The following CPLX2 variants were observed in gnomAD, a reference collection of about 807,000 sequenced individuals.
The protein encoded by CPLX2 is complexin-2.
A neutral mutation model predicts 16.3 loss-of-function variants in CPLX2; 5 were observed. That is an observed-to-expected ratio of 0.31 (90% CI 0.16 to 0.64). The LOEUF (loss-of-function observed/expected upper bound fraction) is 0.64. Ranked by LOEUF, CPLX2 falls within the 30% of genes least tolerant of loss-of-function variation. CPLX2 has a pLI of 0.79. For missense variants in CPLX2, 144 were observed against 181.4 expected, an observed-to-expected ratio of 0.79 and a Z score of 1.18; for synonymous variants, 89 against 73.2, an observed-to-expected ratio of 1.22 and a Z score of -1.10.
Position 175,883,936 on chromosome 5 carries a change from TG to T in CPLX2, c.*3893del, listed in dbSNP as rs1018050591. 6.6e-6 allele frequency: 1 copy of T among 152,366 alleles called. No individual in the cohort carries two copies. The highest frequency in any genetic ancestry group is 6.6e-5 in the Admixed American group (1 of 15,252). The allele number at this position is 152,366 out of a possible 1,614,324, so 9.4% of individuals were successfully genotyped here. A position where few individuals can be genotyped will look rare whatever the true frequency, so the allele number is the denominator to read the frequency against. ...CCCCCCTGAACCTGACCAAAAGCCA[TG>T]GCTGTTGCTCCCCCCTTTGTATGAT... On this transcript the variant is annotated 3_prime_UTR_variant, in exon 4 of 4. Coordinates refer to ENST00000393745, the MANE Select transcript of CPLX2 (RefSeq NM_001008220.2).
At chr5:175,827,570 T>G (rs913909826) in intron 2 of CPLX2, among the ~76,000 whole-genome samples, 2 of 152,042 alleles carry the variant, frequency 1.3e-5, no homozygotes, top group Non-Finnish European at 2.9e-5. Context: ...GCCTAGCCAA[T>G]ATGGCAAAAC....
At chr5:175,812,843 T>G (rs945099109) in intron 2 of CPLX2, among the ~76,000 whole-genome samples, 19 of 152,244 alleles carry the variant, frequency 1.2e-4, no homozygotes, top group African/African-American at 4.6e-4. Flanking sequence ...TTTTATCTGT[T>G]GTATATGTTG....
chr5:175,839,279 TG>T (rs1462744300), intron 2 of CPLX2, among the ~76,000 whole-genome samples: 381 of 151,796 alleles, frequency 2.5e-3, no homozygotes, highest in African/African-American at 9.1e-3. Flanking sequence ...TTTTTTGTTT[TG>T]TTTGTTTGTT....
chr5:175,874,345 C>T (rs2113709725), intron 1 of CPLX2, among the ~76,000 whole-genome samples: 1 of 152,254 alleles, frequency 6.6e-6, no homozygotes, highest in Admixed American at 6.5e-5. Flanking sequence ...CACCCCCATC[C>T]CAATCTTAAC....
upstream of CPLX2, among the ~76,000 whole-genome samples, chr5:175,869,981 A>G (rs1002374759): frequency 6.6e-6 from 1 of 152,202 alleles, no homozygotes; most frequent in Non-Finnish European, 1.5e-5. Flanking sequence ...ATGAAGAAAG[A>G]GGGGACGGGG....
intron 2 of CPLX2, among the ~76,000 whole-genome samples, chr5:175,834,828 C>T (rs899989148): frequency 4.6e-5 from 7 of 152,106 alleles, no homozygotes; most frequent in African/African-American, 1.2e-4. Context: ...GAGCTGAGAT[C>T]GCACCACTGC....
At chr5:175,807,372 C>T (rs1369259580) in intron 1 of CPLX2, among the ~76,000 whole-genome samples, 1 of 152,170 alleles carries the variant, frequency 6.6e-6, no homozygotes, top group African/African-American at 2.4e-5. Flanking sequence ...ATTGTACCAC[C>T]TCTCCTTCTT....
upstream of CPLX2, among the ~76,000 whole-genome samples, chr5:175,870,487 C>T (rs1440664702): frequency 1.3e-5 from 2 of 152,208 alleles, no homozygotes; most frequent in Non-Finnish European, 2.9e-5. Context: ...TGTGAAACTC[C>T]TGCAGATCTT....
chr5:175,861,383 G>A (rs955863598), intron 2 of CPLX2, among the ~76,000 whole-genome samples: 12 of 152,198 alleles, frequency 7.9e-5, no homozygotes, highest in African/African-American at 2.9e-4. Context: ...CTATGTGGGA[G>A]AAGAGTTGAG....
chr5:175,827,784 A>G (rs2113653628), intron 2 of CPLX2, among the ~76,000 whole-genome samples: 2 of 152,232 alleles, frequency 1.3e-5, no homozygotes, highest in East Asian at 1.9e-4. Flanking sequence ...AATAAAGTCC[A>G]AGAGATGAAC....
chr5:175,828,268 T>C (rs1561776088), intron 2 of CPLX2, among the ~76,000 whole-genome samples: 1 of 152,142 alleles, frequency 6.6e-6, no homozygotes. Context: ...GGTCCCTTCA[T>C]GGACTAAGAG....
At position 175,879,910 on chromosome 5, in the gene CPLX2, C is replaced by T. The variant is rs544929121; in HGVS notation, c.270C>T (p.Cys90=). 6 of 1,613,684 alleles carry T rather than the reference C, an allele frequency of 3.7e-6. No individual in the cohort carries two copies. Among genetic ancestry groups the T allele is most frequent in the East Asian group, 2.2e-5 (1 of 44,858 alleles). Residue 90 remains cysteine (C), a synonymous_variant, in exon 4 of 4, where the codon TGC becomes TGT. Coordinates refer to ENST00000393745, the MANE Select transcript of CPLX2 (RefSeq NM_001008220.2). ...AEEKAALEQP[C]EGSLTRPKKA... ...AGAAAGCAGCCCTGGAGCAGCCCTGCGAGGGGAGCCTGACCCGGCCCAAGA... is the reference window on the plus strand; with the variant it reads ...AGAAAGCAGCCCTGGAGCAGCCCTGTGAGGGGAGCCTGACCCGGCCCAAGA...
chr5:175,878,904 G>C lies in CPLX2; in HGVS notation c.32-4G>C. The C allele has an allele frequency of 1.2e-6, 2 of 1,611,360 alleles. No individual in the cohort carries two copies. Among genetic ancestry groups the C allele is most frequent in the Non-Finnish European group, 1.7e-6 (2 of 1,178,826 alleles). On this transcript the variant is annotated splice_region_variant and splice_polypyrimidine_tract_variant and intron_variant, in intron 2 of 3. Transcript: ENST00000393745. The stretch of plus-strand genomic sequence containing the variant: ...GCCCTCTCCTTCCCACCCCTTCCTC[G>C]TAGGGGCCACAAAGGACATGGGGAA...
At chr5:175,851,210 C>CT (rs1759146766) in intron 2 of CPLX2, among the ~76,000 whole-genome samples, 1 of 152,112 alleles carries the variant, frequency 6.6e-6, no homozygotes, top group South Asian at 2.1e-4. Flanking sequence ...AGGTGGCCCC[C>CT]TTTGGTTTGA....
intron 2 of CPLX2, among the ~76,000 whole-genome samples, chr5:175,810,738 A>G (rs1373654296): frequency 6.6e-6 from 1 of 152,200 alleles, no homozygotes; most frequent in Non-Finnish European, 1.5e-5. Flanking sequence ...TTCTATAATG[A>G]ATCAATTTTA....
At chr5:175,863,973 T>G (rs1188380683) in intron 2 of CPLX2, among the ~76,000 whole-genome samples, 2 of 152,164 alleles carry the variant, frequency 1.3e-5, no homozygotes, top group Non-Finnish European at 1.5e-5. Context: ...TGCAGGAAGA[T>G]TATGAGGCAG....
At chr5:175,874,186 G>C (rs529384932) in intron 1 of CPLX2, among the ~76,000 whole-genome samples, 71 of 152,334 alleles carry the variant, frequency 4.7e-4, no homozygotes, top group Middle Eastern at 6.8e-3. Flanking sequence ...GATGAGAGCT[G>C]AGGGAGAGAC....
intron 2 of CPLX2, among the ~76,000 whole-genome samples, chr5:175,834,871 C>T (rs185443485): frequency 6.6e-6 from 1 of 152,116 alleles, no homozygotes; most frequent in African/African-American, 2.4e-5. Flanking sequence ...GAGATCCTGT[C>T]TCAAAAACAA....
chr5:175,860,904 T>C (rs1335100054), intron 2 of CPLX2, among the ~76,000 whole-genome samples: 3 of 150,560 alleles, frequency 2.0e-5, no homozygotes, highest in South Asian at 2.1e-4. Context: ...CACAGCAAAT[T>C]ACACCAGAAA....
Sources: allele counts gnomAD v4.1 joint callset (sites outside exome capture counted in the v4.1 genomes callset), GRCh38; gene constraint gnomAD v4.1.1; transcripts MANE v1.5; gene names NCBI Gene and HGNC (gene_info 2026-07-23, HGNC 2026-07-21).